Variants in PARP10 observed in about 807,000 individuals in gnomAD.
The protein encoded by PARP10 is poly(ADP-ribose) polymerase family member 10, also known as protein mono-ADP-ribosyltransferase PARP10.
PARP10 carries 56 observed loss-of-function variants against 82.4 expected under a neutral mutation model. The ratio of observed to expected loss-of-function variants is 0.68; its 90% confidence interval spans 0.55 to 0.85. The LOEUF (loss-of-function observed/expected upper bound fraction) is 0.85, where lower values mean the gene tolerates loss of function less well. Ranked by LOEUF, PARP10 falls within the 40% of genes least tolerant of loss-of-function variation. The pLI is 0.00. For synonymous variants in PARP10, 576 were observed against 601.1 expected (o/e 0.96, Z 0.61); for missense variants, 1,227 against 1,379.4 (o/e 0.89, Z 1.75).
At chr8:143,992,366 C>G, upstream of PARP10, 1 of 1,602,094 alleles carries the variant, frequency 6.2e-7, no homozygotes, top group Non-Finnish European at 8.5e-7. Flanking sequence ...GTCATCTTCT[C>G]CATGCAGGTG....
chr8:144,012,016 T>G (rs1554752535), intron 1 of PARP10, among the ~76,000 whole-genome samples: 1 of 152,202 alleles, frequency 6.6e-6, no homozygotes, highest in African/African-American at 2.4e-5. Context: ...AACAAATATT[T>G]ACTGTTTACC....
In PARP10 at chr8:143,985,714, C is replaced by T. The variant is rs1554749153; in HGVS notation, c.436+7G>A. The T allele has an allele frequency of 1.2e-6, 2 of 1,603,130 alleles. No homozygotes were observed. Among genetic ancestry groups the T allele is most frequent in the East Asian group, 2.2e-5 (1 of 44,692 alleles). ...GCCAGCACCTCAACCCCAACCCTGC[C>T]TCTCACCTGCCTCAGAAAGGGGCTT... On this transcript the variant is annotated splice_region_variant and intron_variant, in intron 3 of 10. Transcript: ENST00000313028.
exon 1 of PARP10, chr8:144,012,756 G>C: frequency 6.5e-7 from 1 of 1,550,216 alleles, no homozygotes; most frequent in Non-Finnish European, 8.7e-7. Flanking sequence ...AGAGAGTGAG[G>C]AGGGAAGTGG....
rs782213931 is a variant in PARP10 at position 143,985,151 on chromosome 8, A to C, written c.851T>G (p.Val284Gly). The change falls in exon 5 of 11, where the codon GTG becomes GGG. Residue 284 changes from valine to glycine, a missense_variant. Coordinates refer to ENST00000313028, the MANE Select transcript of PARP10 (RefSeq NM_032789.5). ...KHALLRTGGL[V>G]TALQGAGTVT... ...AGTCCCTGCACCCTGCAGAGCCGTC[A>C]CCAACCCTCCGGTCCTCAGGAGAGC... 1.2e-6 allele frequency: 2 copies of C among 1,614,084 alleles called. No individual in the cohort carries two copies. The highest frequency in any genetic ancestry group is 1.1e-5 in the South Asian group (1 of 91,084).
Position 143,985,424 on chromosome 8 carries a change from G to A in PARP10, c.661C>T (p.Gln221Ter), listed in dbSNP as rs1246971536. 1 of 1,609,952 alleles carries A rather than the reference G, an allele frequency of 6.2e-7. No homozygotes were observed. The highest frequency in any genetic ancestry group is 8.5e-7 in the Non-Finnish European group (1 of 1,178,210). The change falls in exon 4 of 11, where the codon CAG becomes TAG. Residue 221 changes from glutamine to a stop codon, truncating the protein, a stop_gained. Transcript: ENST00000313028. LOFTEE classifies it high-confidence loss of function. ...CAGCCCCACTCACCTTGCCACTGCT[G>A]GAAGGAGGCAACAGTGCCCAGGGGC... Reference protein sequence around the residue: ...PGPLGTVASFQQWQVAERVLQ... With the variant: ...PGPLGTVASF
Position 143,984,536 on chromosome 8 carries a change from T to C in PARP10, c.1458+8A>G. ...GCTGAAGGTGAGGAGTCCTGAGGGG[T>C]CACTCACCCGAAAGCCAGTCATATC... On this transcript the variant is annotated splice_region_variant and intron_variant, in intron 5 of 10. Transcript: ENST00000313028. 6.2e-7 allele frequency: 1 copy of C among 1,603,584 alleles called. No homozygotes were observed. Among genetic ancestry groups the C allele is most frequent in the Non-Finnish European group, 8.5e-7 (1 of 1,175,060 alleles).
At chr8:143,981,347 T>C (rs1284584512) in intron 9 of PARP10, among the ~76,000 whole-genome samples, 2 of 80,114 alleles carry the variant, frequency 2.5e-5, no homozygotes, top group Non-Finnish European at 5.1e-5. Context: ...GTGGTGAAGG[T>C]GATGGTGATG....
chr8:143,979,263 G>A (rs1427166152), intron 9 of PARP10, among the ~76,000 whole-genome samples: 13 of 152,042 alleles, frequency 8.6e-5, no homozygotes, highest in Admixed American at 7.9e-4. Flanking sequence ...GTGAGCCACC[G>A]CAGCTGGCCA....
intron 7 of PARP10, 53 bp downstream of exon 7, chr8:143,983,955 G>C: frequency 6.8e-7 from 1 of 1,472,434 alleles, no homozygotes; most frequent in African/African-American, 1.4e-5. Context: ...AGGGCAGGGG[G>C]TGAGGTCAAG....
Position 144,000,826 on chromosome 8 carries a change from C to G in PARP10, c.-80+11704G>C, listed in dbSNP as rs530201362. ...TTGTAATACCAGGCCAAGACAGGAT[C>G]GCTTGAGCCCAGGAGTTTGAGACCA... On this transcript the variant is annotated intron_variant, in intron 1 of 3. Coordinates refer to the PARP10 transcript ENST00000530478. 2.0e-5 allele frequency among the ~76,000 whole-genome samples: 3 copies of G among 152,010 alleles called. No individual in the cohort carries two copies. In the East Asian group the frequency reaches 5.8e-4, roughly 29 times the overall value.
In PARP10 at chr8:143,998,948, T is replaced by TA. The variant is rs72107509; in HGVS notation, c.-79-12511dup. 3.1e-3 allele frequency among the ~76,000 whole-genome samples: 447 copies of TA among 146,292 alleles called. 2 individuals are homozygous for TA. The highest frequency in any genetic ancestry group is 7.1e-3 in the Admixed American group (104 of 14,652). On this transcript the variant is annotated intron_variant, in intron 1 of 3. Transcript: ENST00000530478. ...CTGGGTGACAGAGTGAGACCCTGTT[T>TA]AAAAAAAAAAAAAAGAATCAAATCA...
chr8:143,996,880 A>G (rs1834168348), intron 1 of PARP10, among the ~76,000 whole-genome samples: 1 of 152,104 alleles, frequency 6.6e-6, no homozygotes, highest in African/African-American at 2.4e-5. Flanking sequence ...TGAACTGTAT[A>G]TTGTAGGCAG....
intron 9 of PARP10, 121 bp from the exon 10 acceptor site, chr8:143,978,202 C>T: frequency 9.0e-7 from 1 of 1,114,154 alleles, no homozygotes; most frequent in Non-Finnish European, 1.2e-6. Flanking sequence ...TTGAGGGAGC[C>T]CTTGCAGCCC....
intron 1 of PARP10, among the ~76,000 whole-genome samples, chr8:144,001,939 T>G (rs1165576152): frequency 6.6e-6 from 1 of 150,964 alleles, no homozygotes; most frequent in African/African-American, 2.5e-5. Flanking sequence ...TTAGACATCA[T>G]AATGTCATTG....
intron 4 of PARP10, 22 bp downstream of exon 4, chr8:143,985,390 G>C: frequency 6.3e-7 from 1 of 1,598,958 alleles, no homozygotes; most frequent in Non-Finnish European, 8.5e-7. Context: ...ACGGTCGGCT[G>C]GGTCTGCCCA....
At chr8:143,991,324 A>G, upstream of PARP10, 1 of 1,383,546 alleles carries the variant, frequency 7.2e-7, no homozygotes, top group Non-Finnish European at 9.8e-7. Flanking sequence ...CCCTATGCTC[A>G]GCCTCCCTAC....
chr8:143,984,267 C>T lies in PARP10; in HGVS notation c.1623G>A (p.Gln541=), dbSNP rs782723773. ...CCAGGCGCTCTGTCCCAAAGACACA[C>T]TGGAACTGAGCCTCCAGCCCCTGGA... ...HLLQGLEAQF[Q]CVFGTERLAT... The change falls in exon 6 of 11, where the codon CAG becomes CAA. Residue 541 remains glutamine, a synonymous_variant. Coordinates refer to ENST00000313028, the MANE Select transcript of PARP10 (RefSeq NM_032789.5). The T allele has an allele frequency of 1.5e-5, 24 of 1,613,950 alleles. No individual in the cohort carries two copies. The highest frequency in any genetic ancestry group is 1.9e-5 in the Non-Finnish European group (23 of 1,179,982).
Position 143,984,875 on chromosome 8 carries a change from G to A in PARP10, c.1127C>T (p.Pro376Leu), listed in dbSNP as rs1833947408. The A allele has an allele frequency of 1.2e-6, 2 of 1,613,652 alleles. No individual in the cohort carries two copies. The highest frequency in any genetic ancestry group is 1.7e-6 in the Non-Finnish European group (2 of 1,179,922). ...AGACCCCACAGGCCCCAGGCTCATGGGCCCCTCCTGTTCCTGCAACCCCAC... is the reference window on the plus strand; with the variant it reads ...AGACCCCACAGGCCCCAGGCTCATGAGCCCCTCCTGTTCCTGCAACCCCAC... ...RPVGLQEQEG[P>L]MSLGPVGSAG... The change falls in exon 5 of 11, where the codon CCC becomes CTC. Residue 376 changes from proline (P) to leucine (L), a missense_variant. Transcript: ENST00000313028.
Position 143,986,090 on chromosome 8 carries a change from C to A in PARP10, c.146G>T (p.Gly49Val), listed in dbSNP as rs1554749291. 1 of 1,614,068 alleles carries A rather than the reference C, an allele frequency of 6.2e-7. No individual in the cohort carries two copies. Among genetic ancestry groups the A allele is most frequent in the African/African-American group, 1.3e-5 (1 of 75,056 alleles). Residue 49 changes from glycine to valine, a missense_variant, in exon 2 of 11, where the codon GGC becomes GTC. Coordinates refer to ENST00000313028, the MANE Select transcript of PARP10 (RefSeq NM_032789.5). The part of the protein sequence containing the change: ...GGPVLSWQRL[G>V]CGGVLTFREP... ...TCTGAAGGTGAGGACGCCCCCACAG[C>A]CCAGTCTCTGCCAGCTCAACACAGG...
Sources: allele counts gnomAD v4.1 joint callset (sites outside exome capture counted in the v4.1 genomes callset), GRCh38; gene constraint gnomAD v4.1.1; transcripts MANE v1.5; gene names NCBI Gene and HGNC (gene_info 2026-07-23, HGNC 2026-07-21).